Variants in TTLL5 observed in about 807,000 individuals in gnomAD.
The protein encoded by TTLL5 is tubulin tyrosine ligase like 5, also known as tubulin polyglutamylase TTLL5.
A neutral mutation model predicts 168.4 loss-of-function variants in TTLL5; 132 were observed. The observed-to-expected ratio is 0.78, with a 90% CI of 0.68 to 0.91. The LOEUF (loss-of-function observed/expected upper bound fraction) is 0.91. Among genes scored for constraint, TTLL5 ranks in the 40% least tolerant of loss-of-function variants. The pLI is 0.00. For missense variants in TTLL5, 1,545 were observed against 1,581.5 expected, an observed-to-expected ratio of 0.98 and a Z score of 0.39; for synonymous variants, 546 against 558.6, an observed-to-expected ratio of 0.98 and a Z score of 0.32.
intron 27 of TTLL5, among the ~76,000 whole-genome samples, chr14:75,804,282 C>G (rs980323748): frequency 6.6e-6 from 1 of 152,224 alleles, no homozygotes; most frequent in African/African-American, 2.4e-5. Context: ...GTACATAAAG[C>G]TTGATTCACA....
chr14:75,918,899 T>C (rs1394993288), intron 31 of TTLL5, among the ~76,000 whole-genome samples: 1 of 151,966 alleles, frequency 6.6e-6, no homozygotes, highest in Non-Finnish European at 1.5e-5. Context: ...ATGATTCCTG[T>C]TTCATTTAAA....
rs150487128 is a variant in TTLL5 at position 75,864,061 on chromosome 14, T to C, written c.3522+199T>C. ...CCATAACACTGGCTTTGCTTGAAAG[T>C]GATGCTTAACCAGTGTTTGACATGT... is the stretch of plus-strand genomic sequence containing the variant. On this transcript the variant is annotated intron_variant, in intron 29 of 31. Transcript: ENST00000298832. 1.6e-4 allele frequency among the ~76,000 whole-genome samples: 25 copies of C among 152,222 alleles called. No individual in the cohort carries two copies. In the East Asian group the frequency reaches 4.4e-3, roughly 27 times the overall value.
chr14:75,701,667 C>G (rs1038415619), intron 7 of TTLL5, among the ~76,000 whole-genome samples: 3 of 152,130 alleles, frequency 2.0e-5, no homozygotes, highest in African/African-American at 7.2e-5. Flanking sequence ...GCCTCAAGTT[C>G]TACTCTTCTC....
At position 75,953,408 on chromosome 14, in the gene TTLL5, C is replaced by G. The variant is rs117265716; in HGVS notation, c.3824-1016C>G. Among the ~76,000 whole-genome samples the G allele has an allele frequency of 3.0e-4, 46 of 152,296 alleles. 1 individual carries two copies. The East Asian group carries it at 3.3e-3, about 11-fold the overall frequency. ...TCCTAAGTGTATACCCAAAGAAATT[C>G]TACCAGTAGTATACTGAGATTGCAT... is the stretch of plus-strand genomic sequence containing the variant. On this transcript the variant is annotated intron_variant, in intron 31 of 31. Coordinates refer to ENST00000298832, the MANE Select transcript of TTLL5 (RefSeq NM_015072.5).
chr14:75,874,907 C>G (rs1595188350), intron 29 of TTLL5, among the ~76,000 whole-genome samples: 1 of 122,308 alleles, frequency 8.2e-6, no homozygotes, highest in East Asian at 2.8e-4. Context: ...GTTTGTGACA[C>G]AGAGAAAAAA....
Position 75,697,094 on chromosome 14 carries a change from GT to G in TTLL5, c.503-2093del, listed in dbSNP as rs545076231. 2.5e-3 allele frequency among the ~76,000 whole-genome samples: 386 copies of G among 152,262 alleles called. 2 individuals are homozygous for G. The highest frequency in any genetic ancestry group is 8.9e-3 in the African/African-American group (368 of 41,550). On this transcript the variant is annotated intron_variant, in intron 6 of 31. Transcript: ENST00000298832. Reference sequence around the variant, plus strand: ...GCATGTAGAAATCATATGAAATTCAGTGTTCATACATAAAATTTTATGTAAA... The same window carrying G: ...GCATGTAGAAATCATATGAAATTCAGGTTCATACATAAAATTTTATGTAAA...
intron 28 of TTLL5, among the ~76,000 whole-genome samples, chr14:75,843,388 C>A (rs1211004244): frequency 1.3e-5 from 2 of 152,188 alleles, no homozygotes; most frequent in African/African-American, 4.8e-5. Context: ...CTTGGCCTAA[C>A]CATTCATCCA....
At chr14:75,758,235 G>A (rs1176958376) in intron 18 of TTLL5, among the ~76,000 whole-genome samples, 1 of 152,138 alleles carries the variant, frequency 6.6e-6, no homozygotes, top group African/African-American at 2.4e-5. Context: ...AAGAGAACCT[G>A]TTTCTAGTTT....
chr14:75,728,674 T>TATC (rs10679821), intron 12 of TTLL5, among the ~76,000 whole-genome samples: 108,268 of 150,914 alleles, frequency 0.72, 39,418 homozygotes, highest in Admixed American at 0.79. Flanking sequence ...ATTTGAATAT[T>TATC]ATCATCATCA....
rs762310604 is a variant in TTLL5 at position 75,882,670 on chromosome 14, C to CTT, written c.3523-6_3523-5dup. 30 of 1,252,964 alleles carry CTT rather than the reference C, an allele frequency of 2.4e-5. No homozygotes were observed. Among genetic ancestry groups the CTT allele is most frequent in the South Asian group, 1.5e-4 (10 of 68,776 alleles). The allele number at this position is 1,252,964 out of a possible 1,614,324, so 77.6% of individuals were successfully genotyped here. A position where few individuals can be genotyped will look rare whatever the true frequency, so the allele number is the denominator to read the frequency against. On this transcript the variant is annotated splice_polypyrimidine_tract_variant and intron_variant, in intron 29 of 31. Transcript: ENST00000298832. ...GTGATGTCCATCGATCATTTTTTTC[C>CTT]TTTTTTTTTTGTAGGCAATCTTTGG...
chr14:75,928,379 CTGCTTTACTCTATCATTT>C (rs1438775928), intron 31 of TTLL5, among the ~76,000 whole-genome samples: 34 of 55,642 alleles, frequency 6.1e-4, no homozygotes, highest in African/African-American at 2.2e-3. Flanking sequence ...CACTGTATTT[CTGCTTTACTCTATCATTT>C]CCTGGGCAAA....
chr14:75,850,464 A>T (rs1595148000), intron 28 of TTLL5, among the ~76,000 whole-genome samples: 1 of 151,760 alleles, frequency 6.6e-6, no homozygotes, highest in Non-Finnish European at 1.5e-5. Flanking sequence ...CCAAACAATA[A>T]ATCAAAGTTT....
chr14:75,837,911 G>T (rs185866354), intron 28 of TTLL5, among the ~76,000 whole-genome samples: 8 of 151,956 alleles, frequency 5.3e-5, no homozygotes, highest in Admixed American at 4.6e-4. Context: ...ACTACATTTT[G>T]TTTACTCATT....
intron 27 of TTLL5, among the ~76,000 whole-genome samples, chr14:75,806,648 C>G (rs1341565308): frequency 6.6e-6 from 1 of 151,926 alleles, no homozygotes; most frequent in South Asian, 2.1e-4. Context: ...TATGCATACT[C>G]TTTCACTCAT....
rs10658095 is a variant in TTLL5 at position 75,869,821 on chromosome 14, A to ATTTTTTTTTTTTTTTTTTTT, written c.3522+5975_3522+5976insTTTTTTTTTTTTTTTTTTTT. ...CTTGCAATGTATACATTCAACAAGT[A>ATTTTTTTTTTTTTTTTTTTT]TTTTTTTTTTTTTTTTGCGATGGAG... On this transcript the variant is annotated intron_variant, in intron 29 of 31. Coordinates refer to ENST00000298832, the MANE Select transcript of TTLL5 (RefSeq NM_015072.5). Among the ~76,000 whole-genome samples, 99 of 82,412 alleles carry ATTTTTTTTTTTTTTTTTTTT rather than the reference A, an allele frequency of 1.2e-3. 27 individuals are homozygous for ATTTTTTTTTTTTTTTTTTTT. The highest frequency in any genetic ancestry group is 1.7e-3 in the Admixed American group (9 of 5,406). The allele number at this position is 82,412 out of a possible 152,430, so 54.1% of individuals were successfully genotyped here. A position where few individuals can be genotyped will look rare whatever the true frequency, so the allele number is the denominator to read the frequency against.
rs747857890 is a variant in TTLL5 at position 75,720,662 on chromosome 14, C to T, written c.1001C>T (p.Thr334Ile). 9 of 1,613,608 alleles carry T rather than the reference C, an allele frequency of 5.6e-6. No individual in the cohort carries two copies. Among genetic ancestry groups the T allele is most frequent in the Middle Eastern group, 3.3e-4 (2 of 6,076 alleles). Residue 334 changes from threonine (T) to isoleucine (I), a missense_variant, in exon 12 of 32, where the codon ACT becomes ATT. By Grantham distance (89) the Thr-to-Ile change is moderately conservative. Coordinates refer to ENST00000298832, the MANE Select transcript of TTLL5 (RefSeq NM_015072.5). ...TIISAELAIA[T>I]ACKTFVPHRS... ...ATCTCTGCTGAACTAGCTATTGCTA[C>T]TGCCTGTAAAACCTTTGTTCCTCAT... is the stretch of plus-strand genomic sequence containing the variant.
chr14:75,710,305 A>G (rs1886976389), intron 9 of TTLL5: 1 of 152,150 alleles, frequency 6.6e-6, no homozygotes, highest in African/African-American at 2.4e-5. Context: ...TACTACAAAT[A>G]TGCAAGTGCT....
rs560618879 is a variant in TTLL5, at chr14:75,683,111, T to C, written c.265-439T>C. 2.0e-5 allele frequency among the ~76,000 whole-genome samples: 3 copies of C among 152,284 alleles called. No homozygotes were observed. The South Asian group carries it at 6.2e-4, about 32-fold the overall frequency. ...GATACCAGTTTGTATCCTGTCTTGT[T>C]GCTGTTTTATTTCTGGCACTTAACA... On this transcript the variant is annotated intron_variant, in intron 4 of 31. Transcript: ENST00000298832.
intron 31 of TTLL5, among the ~76,000 whole-genome samples, chr14:75,946,367 TA>T (rs1272630248): frequency 6.6e-6 from 1 of 152,096 alleles, no homozygotes; most frequent in Non-Finnish European, 1.5e-5. Flanking sequence ...ATAAAGTATT[TA>T]AAAAAATAGA....
Sources: allele counts gnomAD v4.1 joint callset (sites outside exome capture counted in the v4.1 genomes callset), GRCh38; gene constraint gnomAD v4.1.1; transcripts MANE v1.5; gene names NCBI Gene and HGNC (gene_info 2026-07-23, HGNC 2026-07-21).